The following DPY19L1 variants were observed in gnomAD, a reference collection of about 807,000 sequenced individuals.
The protein encoded by DPY19L1 is protein C-mannosyl-transferase DPY19L1.
DPY19L1 carries 35 observed loss-of-function variants against 96.9 expected under a neutral mutation model. The observed-to-expected ratio is 0.36, with a 90% CI of 0.28 to 0.48. The LOEUF (loss-of-function observed/expected upper bound fraction) is 0.48. DPY19L1 is among the 20% of genes least tolerant of loss of function. The pLI, the probability that DPY19L1 is intolerant of heterozygous loss-of-function variation, is 0.99. For synonymous variants in DPY19L1, 205 were observed against 252.6 expected (o/e 0.81, Z 1.79); for missense variants, 521 against 777.9 (o/e 0.67, Z 3.93).
At chr7:35,005,713 T>C (rs1034717157) in intron 6 of DPY19L1, among the ~76,000 whole-genome samples, 2 of 150,238 alleles carry the variant, frequency 1.3e-5, no homozygotes, top group African/African-American at 4.9e-5. Flanking sequence ...CTCAGGAGGC[T>C]GAGACGAGAA....
At chr7:34,984,943 T>A (rs1785016701) in intron 7 of DPY19L1, among the ~76,000 whole-genome samples, 1 of 152,138 alleles carries the variant, frequency 6.6e-6, no homozygotes, top group Non-Finnish European at 1.5e-5. Context: ...ACATGATTGT[T>A]CACAAGGATA....
At chr7:34,974,543 A>T (rs1044471551) in intron 7 of DPY19L1, among the ~76,000 whole-genome samples, 1 of 152,200 alleles carries the variant, frequency 6.6e-6, no homozygotes, top group Admixed American at 6.5e-5. Context: ...TGACATACAT[A>T]TCTATTTATG....
At chr7:34,956,802 C>T (rs756737454) in intron 11 of DPY19L1, among the ~76,000 whole-genome samples, 8 of 151,160 alleles carry the variant, frequency 5.3e-5, no homozygotes, top group Non-Finnish European at 7.4e-5. Context: ...TGCGCCTGGC[C>T]GAAAAATGGG....
chr7:35,036,747 G>C (rs1208505134), intron 1 of DPY19L1, among the ~76,000 whole-genome samples: 2 of 152,040 alleles, frequency 1.3e-5, no homozygotes, highest in Non-Finnish European at 2.9e-5. Context: ...CCGAGATAAC[G>C]GGAAGGCGGC....
chr7:34,992,981 T>C (rs1298739878), intron 6 of DPY19L1, among the ~76,000 whole-genome samples: 1 of 152,198 alleles, frequency 6.6e-6, no homozygotes, highest in Non-Finnish European at 1.5e-5. Flanking sequence ...TCTGACTTCA[T>C]TCCTTTGGAG....
intron 8 of DPY19L1, 145 bp from the exon 9 acceptor site, chr7:34,969,677 T>C: frequency 4.6e-6 from 2 of 439,310 alleles, no homozygotes; most frequent in Non-Finnish European, 8.1e-6. Context: ...GGTTAGAAAT[T>C]ATACCTCCTG....
At chr7:34,966,679 T>G (rs760544364) in intron 10 of DPY19L1, among the ~76,000 whole-genome samples, 48 of 152,218 alleles carry the variant, frequency 3.2e-4, no homozygotes, top group Non-Finnish European at 4.7e-4. Context: ...TGATACTGCA[T>G]AAGTTGGGCA....
At chr7:35,033,762 G>A (rs1370345775) in intron 1 of DPY19L1, among the ~76,000 whole-genome samples, 1 of 152,030 alleles carries the variant, frequency 6.6e-6, no homozygotes, top group Non-Finnish European at 1.5e-5. Flanking sequence ...AGTCGCAAGT[G>A]TTTCCTACCA....
rs143442949 is a variant in DPY19L1 at position 34,970,464 on chromosome 7, T to C, written c.915-932A>G. On this transcript the variant is annotated intron_variant, in intron 8 of 21. Coordinates refer to ENST00000638088, the MANE Select transcript of DPY19L1 (RefSeq NM_001366673.1). ...TGCAGATCAGCAGAGTGAAACAGAA[T>C]ATATATGACTATATCCTACTTACGA... 4.6e-5 allele frequency among the ~76,000 whole-genome samples: 7 copies of C among 152,308 alleles called. No homozygotes were observed. In the East Asian group the frequency reaches 1.2e-3, roughly 25 times the overall value.
chr7:34,942,982 T>C (rs1784058201), intron 16 of DPY19L1, among the ~76,000 whole-genome samples: 1 of 152,178 alleles, frequency 6.6e-6, no homozygotes, highest in Non-Finnish European at 1.5e-5. Flanking sequence ...GGCAACCAAG[T>C]AGAGATAACA....
rs565741460 is a variant in DPY19L1 at position 34,933,876 on chromosome 7, C to T, written c.2091-2147G>A. Among the ~76,000 whole-genome samples, 10 of 152,314 alleles carry T rather than the reference C, an allele frequency of 6.6e-5. No homozygotes were observed. In the South Asian group the frequency reaches 8.3e-4, roughly 13 times the overall value. Reference sequence around the variant, plus strand: ...GGGACTCAGACTGGCTTCTTTGTTCCTCAGCTTGCAGATGGCCTATTGTGG... The same window carrying T: ...GGGACTCAGACTGGCTTCTTTGTTCTTCAGCTTGCAGATGGCCTATTGTGG... On this transcript the variant is annotated intron_variant, in intron 21 of 21. Coordinates refer to ENST00000638088, the MANE Select transcript of DPY19L1 (RefSeq NM_001366673.1).
chr7:35,032,473 C>T (rs1450863540), intron 1 of DPY19L1, among the ~76,000 whole-genome samples: 1 of 152,092 alleles, frequency 6.6e-6, no homozygotes, highest in South Asian at 2.1e-4. Context: ...GAGTAAGCCC[C>T]CTATCAGTAT....
chr7:34,993,089 G>A (rs1584242559), intron 6 of DPY19L1, among the ~76,000 whole-genome samples: 1 of 152,178 alleles, frequency 6.6e-6, no homozygotes, highest in Non-Finnish European at 1.5e-5. Flanking sequence ...ACATATGTGT[G>A]ACAAAGTATT....
At chr7:35,014,484 G>A (rs751804018) in intron 3 of DPY19L1, among the ~76,000 whole-genome samples, 5 of 152,060 alleles carry the variant, frequency 3.3e-5, no homozygotes, top group Admixed American at 6.5e-5. Flanking sequence ...ATAAATCTAC[G>A]TCTTGTATTT....
At chr7:34,978,215 C>T (rs902358404) in intron 7 of DPY19L1, among the ~76,000 whole-genome samples, 4 of 152,062 alleles carry the variant, frequency 2.6e-5, no homozygotes, top group Non-Finnish European at 5.9e-5. Context: ...TCAAACAGAT[C>T]ATGTTTAAGA....
In DPY19L1 at chr7:34,963,318, A is replaced by G. The variant is rs1358160047; in HGVS notation, c.1092+3576T>C. The stretch of plus-strand genomic sequence containing the variant: ...CCTTATACCTATTAGGATGGCTACC[A>G]TCCAAGAGCAGAAAATAAATGTTGG... On this transcript the variant is annotated intron_variant, in intron 10 of 21. Coordinates refer to ENST00000638088, the MANE Select transcript of DPY19L1 (RefSeq NM_001366673.1). Among the ~76,000 whole-genome samples the G allele has an allele frequency of 5.3e-5, 8 of 152,228 alleles. No individual in the cohort carries two copies. The East Asian group carries it at 1.5e-3, about 29-fold the overall frequency.
chr7:34,989,727 C>T (rs919037286), intron 7 of DPY19L1, among the ~76,000 whole-genome samples, 157 bp downstream of exon 7: 7 of 151,260 alleles, frequency 4.6e-5, no homozygotes, highest in Non-Finnish European at 1.0e-4. Context: ...ATAAGAAGTA[C>T]AATGGTCATG....
At chr7:35,021,177 T>C (rs541221916) in intron 1 of DPY19L1, among the ~76,000 whole-genome samples, 56 of 152,336 alleles carry the variant, frequency 3.7e-4, no homozygotes, top group African/African-American at 1.2e-3. Context: ...GTGGTGAGCA[T>C]AGCTGCCTTC....
At chr7:34,986,804 C>T (rs1287887665) in intron 7 of DPY19L1, among the ~76,000 whole-genome samples, 1 of 151,968 alleles carries the variant, frequency 6.6e-6, no homozygotes, top group East Asian at 1.9e-4. Flanking sequence ...CTTTTGGAGG[C>T]AATCCGTTAA....
Sources: allele counts gnomAD v4.1 joint callset (sites outside exome capture counted in the v4.1 genomes callset), GRCh38; gene constraint gnomAD v4.1.1; transcripts MANE v1.5; gene names NCBI Gene and HGNC (gene_info 2026-07-23, HGNC 2026-07-21).